The following UBA6 variants were observed in gnomAD, a reference collection of about 807,000 sequenced individuals.
The protein encoded by UBA6 is ubiquitin like modifier activating enzyme 6.
Under a neutral mutation model 148.3 loss-of-function variants are expected in UBA6, and 87 were observed. The ratio of observed to expected loss-of-function variants is 0.59; its 90% CI spans 0.49 to 0.70. The LOEUF (loss-of-function observed/expected upper bound fraction) is 0.70. Among genes scored for constraint, UBA6 ranks in the 30% least tolerant of loss-of-function variants. UBA6 has a pLI of 0.00. For synonymous variants in UBA6, 376 were observed against 401.0 expected (o/e 0.94, Z 0.75); for missense variants, 1,186 against 1,241.2 (o/e 0.96, Z 0.67).
chr4:67,634,770 T>C (rs565457525), intron 20 of UBA6, among the ~76,000 whole-genome samples: 2 of 152,204 alleles, frequency 1.3e-5, no homozygotes, highest in Admixed American at 6.5e-5. Context: ...TAAAGCACCA[T>C]GTAGTACTCA....
At chr4:67,665,149 T>C (rs1248480169) in intron 10 of UBA6, 40 bp downstream of exon 10, 1 of 1,287,206 alleles carries the variant, frequency 7.8e-7, no homozygotes, top group East Asian at 2.4e-5. Flanking sequence ...TTTCTTTTTC[T>C]GTAAAAAAAT....
chr4:67,646,168 T>G (rs1729417684), intron 15 of UBA6, 152 bp from the exon 16 acceptor site: 3 of 445,738 alleles, frequency 6.7e-6, no homozygotes, highest in Non-Finnish European at 3.8e-6. Context: ...AAAGCCTCCA[T>G]AAAGAAATCC....
chr4:67,665,412 T>G (rs1729968978), intron 9 of UBA6, 120 bp from the exon 10 acceptor site: 1 of 570,842 alleles, frequency 1.8e-6, no homozygotes, highest in Non-Finnish European at 2.9e-6. Context: ...TCCAGCATAG[T>G]GTTTTTTTTT....
At chr4:67,658,075 G>A (rs768933702) in intron 13 of UBA6, among the ~76,000 whole-genome samples, 2 of 152,114 alleles carry the variant, frequency 1.3e-5, no homozygotes, top group Non-Finnish European at 2.9e-5. Context: ...AAACAGGAAC[G>A]CTTTTACACT....
intron 1 of UBA6, among the ~76,000 whole-genome samples, chr4:67,697,556 C>A (rs1420709567): frequency 6.6e-6 from 1 of 152,194 alleles, no homozygotes; most frequent in African/African-American, 2.4e-5. Context: ...AATTCAATTA[C>A]CCCTGCTTAA....
At chr4:67,656,503 T>C (rs768407409) in intron 13 of UBA6, among the ~76,000 whole-genome samples, 2 of 152,166 alleles carry the variant, frequency 1.3e-5, no homozygotes, top group Non-Finnish European at 2.9e-5. Flanking sequence ...AAACTCTCAA[T>C]GAACTAGGTA....
chr4:67,644,215 T>C (rs762104502), intron 17 of UBA6, among the ~76,000 whole-genome samples: 2 of 152,096 alleles, frequency 1.3e-5, no homozygotes, highest in African/African-American at 2.4e-5. Flanking sequence ...TTAACTCACA[T>C]TTAGAGTCTT....
rs1229091768 is a variant in UBA6, at chr4:67,616,234, C to G, written c.*2763G>C. On this transcript the variant is annotated 3_prime_UTR_variant, in exon 33 of 33. Coordinates refer to ENST00000322244, the MANE Select transcript of UBA6 (RefSeq NM_018227.6). ...GAAAAGTAAAATCGCTAAATCCATA[C>G]ACAGTGATTATATAAAATTAGATAT... is the stretch of plus-strand genomic sequence containing the variant. 1 of 393,594 alleles carries G rather than the reference C, an allele frequency of 2.5e-6. No homozygotes were observed. The highest frequency in any genetic ancestry group is 4.5e-6 in the Non-Finnish European group (1 of 223,356). 24.4% of individuals were successfully genotyped at this position (393,594 alleles called of 1,614,324 possible).
intron 19 of UBA6, among the ~76,000 whole-genome samples, chr4:67,637,363 C>T (rs1250667619): frequency 4.0e-5 from 6 of 151,546 alleles, no homozygotes; most frequent in South Asian, 2.1e-4. Context: ...GAGGTGGGGG[C>T]GCCTCTGCCC....
chr4:67,684,058 C>T (rs922675987), intron 2 of UBA6, among the ~76,000 whole-genome samples: 1 of 152,144 alleles, frequency 6.6e-6, no homozygotes, highest in Non-Finnish European at 1.5e-5. Flanking sequence ...GCTTGGGCGA[C>T]GGGAATGAAA....
intron 17 of UBA6, 100 bp from the exon 18 acceptor site, chr4:67,641,328 A>C (rs1468097250): frequency 3.4e-5 from 24 of 712,060 alleles, no homozygotes; most frequent in Non-Finnish European, 5.7e-5. Context: ...AATTATTCTA[A>C]ATTAGTCTGG....
chr4:67,683,282 T>C lies in UBA6; in HGVS notation c.135-1069A>G, dbSNP rs1405130785. ...AATATACTTAGGTTTTACCTGATTTTAGACTTTGTATAGATGGAATCACTT... is the reference window on the plus strand; with the variant it reads ...AATATACTTAGGTTTTACCTGATTTCAGACTTTGTATAGATGGAATCACTT... On this transcript the variant is annotated intron_variant, in intron 2 of 32. Coordinates refer to ENST00000322244, the MANE Select transcript of UBA6 (RefSeq NM_018227.6). 2.6e-5 allele frequency among the ~76,000 whole-genome samples: 4 copies of C among 152,242 alleles called. No homozygotes were observed. In the South Asian group the frequency reaches 6.2e-4, roughly 24 times the overall value.
intron 32 of UBA6, among the ~76,000 whole-genome samples, chr4:67,620,956 AGTAC>A (rs1728736702): frequency 6.6e-6 from 1 of 152,220 alleles, no homozygotes; most frequent in Admixed American, 6.5e-5. Flanking sequence ...TAATGTGTTC[AGTAC>A]TTAACAGGTA....
intron 9 of UBA6, among the ~76,000 whole-genome samples, chr4:67,667,340 T>C (rs1407052275): frequency 1.3e-5 from 2 of 152,188 alleles, no homozygotes; most frequent in Non-Finnish European, 2.9e-5. Context: ...TGATTAATTT[T>C]AATAAAAACA....
chr4:67,642,644 T>C (rs1004335997), intron 17 of UBA6, among the ~76,000 whole-genome samples: 1 of 152,098 alleles, frequency 6.6e-6, no homozygotes, highest in Admixed American at 6.5e-5. Flanking sequence ...TAATTTTCCA[T>C]TACACTATGA....
intron 1 of UBA6, among the ~76,000 whole-genome samples, chr4:67,698,758 G>A (rs890340044): frequency 2.0e-5 from 3 of 152,156 alleles, no homozygotes; most frequent in African/African-American, 4.8e-5. Flanking sequence ...TCAGGAGTTC[G>A]AGACCAGCCT....
rs774709939 is a variant in UBA6 at position 67,631,740 on chromosome 4, G to C, written c.2226C>G (p.Pro742=). ...CATTTAAATCAAATTTTATTGGAGA[G>C]GGTGGCCTCTTTGGTGACTGCCAAA... The part of the protein sequence containing the change: ...SLFWQSPKRP[P]SPIKFDLNEP... The change falls in exon 25 of 33, where the codon CCC becomes CCG. Residue 742 remains proline (P), a synonymous_variant. Transcript: ENST00000322244. 1 of 1,611,014 alleles carries C rather than the reference G, an allele frequency of 6.2e-7. No homozygotes were observed. The highest frequency in any genetic ancestry group is 2.2e-5 in the East Asian group (1 of 44,768).
chr4:67,694,323 A>G (rs1730779480), intron 2 of UBA6, among the ~76,000 whole-genome samples: 1 of 145,416 alleles, frequency 6.9e-6, no homozygotes, highest in Non-Finnish European at 1.5e-5. Context: ...GTTAATTTTT[A>G]AAATCTAAGA....
intron 27 of UBA6, among the ~76,000 whole-genome samples, chr4:67,627,133 G>A (rs1728886770): frequency 6.6e-6 from 1 of 151,926 alleles, no homozygotes; most frequent in Non-Finnish European, 1.5e-5. Flanking sequence ...GATATTCCCT[G>A]AGGGCACGGA....
Sources: allele counts gnomAD v4.1 joint callset (sites outside exome capture counted in the v4.1 genomes callset), GRCh38; gene constraint gnomAD v4.1.1; transcripts MANE v1.5; gene names NCBI Gene and HGNC (gene_info 2026-07-23, HGNC 2026-07-21).